Variants in ZBTB44 observed in about 807,000 individuals in gnomAD.
ZBTB44 encodes zinc finger and BTB domain containing 44.
A neutral mutation model predicts 54.0 loss-of-function variants in ZBTB44; 15 were observed. That is an observed-to-expected ratio of 0.28 (90% CI 0.19 to 0.43). The LOEUF (loss-of-function observed/expected upper bound fraction) is 0.43, where lower values mean the gene tolerates loss of function less well. ZBTB44 is among the 20% of genes least tolerant of loss of function. ZBTB44 has a pLI of 1.00. For missense variants in ZBTB44, 487 were observed against 707.1 expected, an observed-to-expected ratio of 0.69 and a Z score of 3.53; for synonymous variants, 230 against 250.1, an observed-to-expected ratio of 0.92 and a Z score of 0.76.
chr11:130,232,220 T>C (rs1953902153), intron 7 of ZBTB44: 1 of 152,216 alleles, frequency 6.6e-6, no homozygotes, highest in Non-Finnish European at 1.5e-5. Flanking sequence ...ATACATTTAG[T>C]ATGGTCTAGC....
intron 1 of ZBTB44, chr11:130,296,320 GA>G (rs1941640698): frequency 6.6e-7 from 1 of 1,519,600 alleles, no homozygotes; most frequent in South Asian, 1.2e-5. Context: ...AAGAAGAACC[GA>G]AAGAAGCTCG....
At position 130,228,995 on chromosome 11, in the gene ZBTB44, CTTAAG is replaced by C. The variant is rs1953781353; in HGVS notation, c.*2764_*2768del. 1 of 152,180 alleles carries C rather than the reference CTTAAG, an allele frequency of 6.6e-6. No homozygotes were observed. Among genetic ancestry groups the C allele is most frequent in the Non-Finnish European group, 1.5e-5 (1 of 68,032 alleles). 9.4% of individuals were successfully genotyped at this position (152,180 alleles called of 1,614,324 possible). ...TTGTTTTTAATCCGCAGTCCTTACTCTTAAGTTCTCTGTAAACTATTATGCACACA... is the reference window on the plus strand; with the variant it reads ...TTGTTTTTAATCCGCAGTCCTTACTCTTCTCTGTAAACTATTATGCACACA... On this transcript the variant is annotated 3_prime_UTR_variant, in exon 8 of 8. Transcript: ENST00000357899.
At chr11:130,240,548 T>C (rs1182139258) in intron 2 of ZBTB44, among the ~76,000 whole-genome samples, 1 of 152,212 alleles carries the variant, frequency 6.6e-6, no homozygotes, top group Non-Finnish European at 1.5e-5. Flanking sequence ...TTAAAACTTA[T>C]TGAAGACATA....
At chr11:130,291,458 T>A (rs1215328823) in intron 1 of ZBTB44, among the ~76,000 whole-genome samples, 1 of 152,182 alleles carries the variant, frequency 6.6e-6, no homozygotes, top group East Asian at 1.9e-4. Context: ...TTTATGTCAC[T>A]TTCAGATGTA....
chr11:130,237,525 GAAGA>G (rs1374709728), intron 4 of ZBTB44, among the ~76,000 whole-genome samples: 1 of 152,130 alleles, frequency 6.6e-6, no homozygotes, highest in African/African-American at 2.4e-5. Flanking sequence ...AGAGAAACGA[GAAGA>G]AAGAACAATT....
At chr11:130,305,467 A>G (rs1942215804) in intron 1 of ZBTB44, among the ~76,000 whole-genome samples, 1 of 152,196 alleles carries the variant, frequency 6.6e-6, no homozygotes, top group Non-Finnish European at 1.5e-5. Flanking sequence ...CTTACAGCCA[A>G]CTGGTCTTTG....
intron 1 of ZBTB44, among the ~76,000 whole-genome samples, chr11:130,271,269 T>C (rs183510730): frequency 4.6e-5 from 7 of 152,330 alleles, no homozygotes; most frequent in Admixed American, 4.6e-4. Flanking sequence ...AATGATAATG[T>C]ACTTAATCTC....
chr11:130,282,619 A>G (rs767273766), intron 1 of ZBTB44, among the ~76,000 whole-genome samples: 1 of 152,244 alleles, frequency 6.6e-6, no homozygotes, highest in South Asian at 2.1e-4. Flanking sequence ...GTAAAGAGCA[A>G]TGTTGAAGGC....
intron 2 of ZBTB44, among the ~76,000 whole-genome samples, chr11:130,240,608 C>T (rs1954322027): frequency 1.3e-5 from 2 of 152,044 alleles, no homozygotes; most frequent in Admixed American, 1.3e-4. Context: ...AAGTGAACAC[C>T]CAGGCAACCT....
At chr11:130,292,669 A>G (rs747760086) in intron 1 of ZBTB44, among the ~76,000 whole-genome samples, 8 of 152,216 alleles carry the variant, frequency 5.3e-5, no homozygotes, top group Non-Finnish European at 8.8e-5. Context: ...TAAACAAAAC[A>G]TATAAATTAG....
chr11:130,249,261 T>A (rs1937790121), intron 2 of ZBTB44, among the ~76,000 whole-genome samples: 1 of 152,238 alleles, frequency 6.6e-6, no homozygotes, highest in African/African-American at 2.4e-5. Flanking sequence ...AAAATTATAA[T>A]TATTCAGTAG....
chr11:130,261,385 C>T lies in ZBTB44; in HGVS notation c.489G>A (p.Val163=). 6.2e-7 allele frequency: 1 copy of T among 1,613,958 alleles called. No individual in the cohort carries two copies. Among genetic ancestry groups the T allele is most frequent in the East Asian group, 2.2e-5 (1 of 44,872 alleles). Residue 163 remains valine (V), a synonymous_variant, in exon 2 of 8, where the codon GTG becomes GTA. Transcript: ENST00000357899. The surrounding 1 kb of genome is among the most constrained non-coding windows in gnomAD (Gnocchi z 4.8). ...FTSRDGSISP[V]SSECSVVERT... ...TTTCTACCACACTGCACTCTGAGGA[C>T]ACGGGAGAAATGCTCCCATCTCGAG...
At chr11:130,243,563 T>C (rs1954484941) in intron 2 of ZBTB44, among the ~76,000 whole-genome samples, 1 of 152,222 alleles carries the variant, frequency 6.6e-6, no homozygotes, top group Non-Finnish European at 1.5e-5. Context: ...AAGGCAGGTT[T>C]TTCTACAGTC....
intron 1 of ZBTB44, among the ~76,000 whole-genome samples, chr11:130,277,668 C>CT (rs887767853): frequency 6.6e-5 from 10 of 151,790 alleles, no homozygotes; most frequent in South Asian, 2.1e-4. Context: ...ATGTTAATTT[C>CT]TTTTTTTTAA....
rs530107628 is a variant in ZBTB44 at position 130,268,818 on chromosome 11, G to A, written c.-56-6889C>T. Among the ~76,000 whole-genome samples the A allele has an allele frequency of 5.3e-5, 8 of 151,592 alleles. No homozygotes were observed. The East Asian group carries it at 1.6e-3, about 30-fold the overall frequency. Reference sequence around the variant, plus strand: ...TGGTCTCGAACTCCTGACCTCATGTGATCCACCTGACTCAGCCTCCCAAAG... The same window carrying A: ...TGGTCTCGAACTCCTGACCTCATGTAATCCACCTGACTCAGCCTCCCAAAG... On this transcript the variant is annotated intron_variant, in intron 1 of 7. Coordinates refer to ENST00000357899, the MANE Select transcript of ZBTB44 (RefSeq NM_001301098.2).
rs1357387408 is a variant in ZBTB44 at position 130,230,536 on chromosome 11, A to G, written c.*1228T>C. ...TCAAAATGTAAGATTGAATGAGGCT[A>G]TTTAAACATTTTAGTATATTTTGTC... On this transcript the variant is annotated 3_prime_UTR_variant, in exon 8 of 8. Coordinates refer to ENST00000357899, the MANE Select transcript of ZBTB44 (RefSeq NM_001301098.2). The G allele has an allele frequency of 6.7e-6, 1 of 149,268 alleles. No individual in the cohort carries two copies. Among genetic ancestry groups the G allele is most frequent in the African/African-American group, 2.5e-5 (1 of 40,596 alleles). 9.2% of individuals were successfully genotyped at this position (149,268 alleles called of 1,614,324 possible).
chr11:130,263,335 G>A (rs767026183), intron 1 of ZBTB44, among the ~76,000 whole-genome samples: 22 of 152,178 alleles, frequency 1.4e-4, no homozygotes, highest in Non-Finnish European at 2.8e-4. Flanking sequence ...CATATTTGCT[G>A]ATTTAGGTCT....
At chr11:130,281,522 A>AATAT (rs1227271831) in intron 1 of ZBTB44, among the ~76,000 whole-genome samples, 8 of 126,282 alleles carry the variant, frequency 6.3e-5, no homozygotes. Context: ...TCTCAAAATA[A>AATAT]ATAAATAAAT....
intron 2 of ZBTB44, among the ~76,000 whole-genome samples, chr11:130,241,201 G>C (rs1189161617): frequency 6.6e-6 from 1 of 152,176 alleles, no homozygotes; most frequent in African/African-American, 2.4e-5. Flanking sequence ...CCATGGTAAA[G>C]ACTTAGGAAT....
Sources: allele counts gnomAD v4.1 joint callset (sites outside exome capture counted in the v4.1 genomes callset), GRCh38; gene constraint gnomAD v4.1.1; non-coding constraint Gnocchi (gnomAD v3.1); transcripts MANE v1.5; gene names NCBI Gene and HGNC (gene_info 2026-07-23, HGNC 2026-07-21).